The following SNUPN variants were observed in gnomAD, a reference collection of about 807,000 sequenced individuals.
The protein encoded by SNUPN is snurportin 1.
Under a neutral mutation model 39.2 loss-of-function variants are expected in SNUPN, and 31 were observed. The ratio of observed to expected loss-of-function variants is 0.79; its 90% CI spans 0.59 to 1.07. The LOEUF (loss-of-function observed/expected upper bound fraction) is 1.07, where lower values mean the gene tolerates loss of function less well. Ranked by LOEUF, SNUPN falls within the 50% of genes least tolerant of loss-of-function variation. The pLI is 0.00. For synonymous variants in SNUPN, 132 were observed against 159.0 expected, an observed-to-expected ratio of 0.83 and a Z score of 1.28; for missense variants, 382 against 434.2, an observed-to-expected ratio of 0.88 and a Z score of 1.07.
At chr15:75,600,096 T>C (rs989319469) in intron 8 of SNUPN, among the ~76,000 whole-genome samples, 1 of 151,930 alleles carries the variant, frequency 6.6e-6, no homozygotes, top group Non-Finnish European at 1.5e-5. Flanking sequence ...TCCAACTGCC[T>C]CGACCTCCCA....
rs1293464669 is a variant in SNUPN, at chr15:75,609,542, C to T, written c.502+16G>A. 3.1e-6 allele frequency: 5 copies of T among 1,597,234 alleles called. No individual in the cohort carries two copies. In the South Asian group the frequency reaches 4.4e-5, roughly 14 times the overall value. On this transcript the variant is annotated intron_variant, in intron 5 of 8. Coordinates refer to ENST00000308588, the MANE Select transcript of SNUPN (RefSeq NM_005701.4). ...TGTCTTTTACTGATCAATAAGTAGA[C>T]ACTCTATGTAGGTACCTTTTGCTGT...
At chr15:75,607,345 G>T in intron 5 of SNUPN, 32 bp from the exon 6 acceptor site, 1 of 1,479,450 alleles carries the variant, frequency 6.8e-7, no homozygotes, top group Non-Finnish European at 9.5e-7. Flanking sequence ...TCAGCACAGA[G>T]TTCTTCTTCC....
chr15:75,601,351 G>A, intron 7 of SNUPN, 133 bp from the exon 8 acceptor site: 2 of 612,302 alleles, frequency 3.3e-6, no homozygotes, highest in Non-Finnish European at 6.0e-6. Context: ...AAGTCAGGAG[G>A]ATCACCTGAG....
chr15:75,622,248 T>A (rs985537482), intron 1 of SNUPN: 20 of 598,464 alleles, frequency 3.3e-5, no homozygotes, highest in African/African-American at 1.8e-4. Context: ...ATTTATTTTT[T>A]AAAAAATCTG....
chr15:75,617,298 T>A, intron 3 of SNUPN, 110 bp downstream of exon 3: 2 of 1,205,980 alleles, frequency 1.7e-6, no homozygotes, highest in South Asian at 2.9e-5. Context: ...TCCTATTCCT[T>A]TTTCCTGCCT....
At chr15:75,603,268 C>T (rs1293852299) in intron 7 of SNUPN, among the ~76,000 whole-genome samples, 12 of 145,872 alleles carry the variant, frequency 8.2e-5, no homozygotes, top group South Asian at 2.2e-4. Flanking sequence ...AGGATGGTCT[C>T]GATCTCCTGA....
rs1269671397 is a variant in SNUPN at position 75,620,951 on chromosome 15, T to C, written c.101A>G (p.Lys34Arg). 6.2e-7 allele frequency: 1 copy of C among 1,614,122 alleles called. No individual in the cohort carries two copies. The highest frequency in any genetic ancestry group is 2.2e-5 in the East Asian group (1 of 44,876). ...PHPRLSQYKSKYSSLEQSERR... is the reference protein window; with the variant it reads ...PHPRLSQYKSRYSSLEQSERR... ...CTCACTCTGCTCCAAGGAACTGTAC[T>C]TGGACTTGTACTGGGATAGGCGGGG... The change falls in exon 2 of 9, where the codon AAG becomes AGG. Residue 34 changes from lysine to arginine, a missense_variant. Lys to Arg is a conservative substitution (Grantham distance 26). Coordinates refer to ENST00000308588, the MANE Select transcript of SNUPN (RefSeq NM_005701.4).
chr15:75,604,252 C>G (rs2075314460), intron 7 of SNUPN, among the ~76,000 whole-genome samples: 1 of 151,524 alleles, frequency 6.6e-6, no homozygotes, highest in African/African-American at 2.4e-5. Context: ...CCTCCGCCTC[C>G]CAGGTTCAAG....
At chr15:75,610,935 C>T (rs1015850523) in intron 3 of SNUPN, among the ~76,000 whole-genome samples, 2 of 152,026 alleles carry the variant, frequency 1.3e-5, no homozygotes, top group African/African-American at 2.4e-5. Context: ...TTTGGGAGAC[C>T]AAGGCGGGCG....
At chr15:75,602,748 G>A (rs2075298999) in intron 7 of SNUPN, among the ~76,000 whole-genome samples, 2 of 151,772 alleles carry the variant, frequency 1.3e-5, no homozygotes, top group South Asian at 4.2e-4. Flanking sequence ...TGGAACTATA[G>A]GTGCACGCCA....
chr15:75,622,438 CA>C (rs1893096214), intron 1 of SNUPN: 1 of 985,242 alleles, frequency 1.0e-6, no homozygotes, highest in Non-Finnish European at 1.2e-6. Flanking sequence ...GGAAACAAGA[CA>C]GGCATGGAGT....
intron 3 of SNUPN, among the ~76,000 whole-genome samples, chr15:75,615,594 ATT>A (rs141302808): frequency 7.2e-4 from 53 of 73,964 alleles, no homozygotes; most frequent in African/African-American, 1.5e-3. Context: ...AAGGAATCTC[ATT>A]TTTTTTTTTT....
At chr15:75,606,462 G>A (rs1476729923) in intron 6 of SNUPN, among the ~76,000 whole-genome samples, 1 of 151,860 alleles carries the variant, frequency 6.6e-6, no homozygotes, top group Non-Finnish European at 1.5e-5. Flanking sequence ...GAACCACTAT[G>A]ATAAACTAAT....
At chr15:75,604,309 C>T (rs1450802229) in intron 7 of SNUPN, among the ~76,000 whole-genome samples, 6 of 151,894 alleles carry the variant, frequency 4.0e-5, no homozygotes, top group East Asian at 3.9e-4. Flanking sequence ...TACAGGCGTG[C>T]ACCACTACAC....
chr15:75,617,188 C>T (rs559096487), intron 3 of SNUPN, among the ~76,000 whole-genome samples: 1 of 152,356 alleles, frequency 6.6e-6, no homozygotes, highest in African/African-American at 2.4e-5. Context: ...CCCCACTACC[C>T]ACAGATTCCA....
At chr15:75,614,750 C>T (rs1892882316) in intron 3 of SNUPN, among the ~76,000 whole-genome samples, 1 of 152,022 alleles carries the variant, frequency 6.6e-6, no homozygotes, top group South Asian at 2.1e-4. Flanking sequence ...TAAAAATAGG[C>T]AAATTGTATG....
In SNUPN at chr15:75,605,196, T is replaced by C; in HGVS notation, c.632A>G (p.Lys211Arg). Residue 211 changes from lysine (K) to arginine (R), a missense_variant, in exon 7 of 9, where the codon AAG becomes AGG. Transcript: ENST00000308588. ...TDFRFYWMHS[K>R]LPEEEGLGEK... ...TCCCAGTCCTTCTTCTTCTGGTAAC[T>C]TTGAATGCATCCAGTAGAATCGGAA... The C allele has an allele frequency of 6.2e-7, 1 of 1,613,486 alleles. No individual in the cohort carries two copies. Among genetic ancestry groups the C allele is most frequent in the Non-Finnish European group, 8.5e-7 (1 of 1,179,524 alleles).
intron 4 of SNUPN, 101 bp downstream of exon 4, chr15:75,609,789 C>T: frequency 8.5e-7 from 1 of 1,174,050 alleles, no homozygotes; most frequent in Non-Finnish European, 1.3e-6. Context: ...TCAAGCTCCA[C>T]TCCAGGCACA....
Position 75,605,155 on chromosome 15 carries a change from T to C in SNUPN, c.673A>G (p.Asn225Asp). The C allele has an allele frequency of 3.1e-6, 5 of 1,610,348 alleles. No individual in the cohort carries two copies. Among genetic ancestry groups the C allele is most frequent in the Non-Finnish European group, 4.2e-6 (5 of 1,176,676 alleles). ...EEGLGEKTKLNPFKFVGLKNF... is the reference protein window; with the variant it reads ...EEGLGEKTKLDPFKFVGLKNF... ...ATCCTAACACCAGGCCTTACAGGAT[T>C]AAGCTTGGTTTTCTCTCCCAGTCCT... Residue 225 changes from asparagine (N) to aspartate (D), a missense_variant, in exon 7 of 9, where the codon AAT becomes GAT. By Grantham distance (23) the Asn-to-Asp change is conservative. Coordinates refer to ENST00000308588, the MANE Select transcript of SNUPN (RefSeq NM_005701.4).
Sources: allele counts gnomAD v4.1 joint callset (sites outside exome capture counted in the v4.1 genomes callset), GRCh38; gene constraint gnomAD v4.1.1; transcripts MANE v1.5; gene names NCBI Gene and HGNC (gene_info 2026-07-23, HGNC 2026-07-21).